The following RHOBTB1 variants were observed in gnomAD, a reference collection of about 807,000 sequenced individuals.
The protein encoded by RHOBTB1 is Rho related BTB domain containing 1.
In RHOBTB1, 40 loss-of-function variants were observed where a neutral mutation model predicts 71.6. The ratio of observed to expected loss-of-function variants is 0.56; its 90% CI spans 0.43 to 0.73. RHOBTB1 has a LOEUF of 0.73. RHOBTB1 is among the 30% of genes least tolerant of loss of function. The probability of loss-of-function intolerance (pLI) is 0.00; values close to 1 mark genes in which losing one functional copy is unlikely to be tolerated. For synonymous variants in RHOBTB1, 319 were observed against 334.9 expected, an observed-to-expected ratio of 0.95 and a Z score of 0.52; for missense variants, 797 against 894.0, an observed-to-expected ratio of 0.89 and a Z score of 1.38.
intron 2 of RHOBTB1, among the ~76,000 whole-genome samples, chr10:60,957,454 T>C (rs2085633470): frequency 6.6e-6 from 1 of 152,106 alleles, no homozygotes; most frequent in Admixed American, 6.5e-5. Flanking sequence ...CTGTTCACAG[T>C]TGACTGAAAT....
the RHOBTB1 span, among the ~76,000 whole-genome samples, chr10:60,862,434 G>A: frequency 2.0e-5 from 3 of 151,990 alleles, no homozygotes; most frequent in Admixed American, 6.6e-5. Flanking sequence ...CTGACCTCAG[G>A]TGATCCGCCT....
At chr10:60,949,745 T>C (rs1168494322) in intron 2 of RHOBTB1, among the ~76,000 whole-genome samples, 3 of 150,142 alleles carry the variant, frequency 2.0e-5, no homozygotes, top group Non-Finnish European at 3.0e-5. Flanking sequence ...ACCTAATGGA[T>C]CTATTCTTGG....
At chr10:61,001,026 C>G (rs183064054) in intron 1 of RHOBTB1, among the ~76,000 whole-genome samples, 13 of 152,102 alleles carry the variant, frequency 8.5e-5, no homozygotes, top group African/African-American at 2.4e-4. Context: ...ATCCCTCTGG[C>G]CACCCCCGCC....
chr10:60,903,554 G>A (rs996423832), intron 4 of RHOBTB1, among the ~76,000 whole-genome samples: 4 of 152,150 alleles, frequency 2.6e-5, no homozygotes, highest in Non-Finnish European at 4.4e-5. Flanking sequence ...ATGAAGAAAC[G>A]GAAAATTTTC....
At chr10:60,865,090 AG>A (rs2080631074), downstream of RHOBTB1, among the ~76,000 whole-genome samples, 1 of 152,192 alleles carries the variant, frequency 6.6e-6, no homozygotes, top group African/African-American at 2.4e-5. Flanking sequence ...AGAGGGGCTG[AG>A]AGAGAAAACA....
At chr10:60,973,740 G>A (rs1420495566) in intron 2 of RHOBTB1, among the ~76,000 whole-genome samples, 2 of 151,854 alleles carry the variant, frequency 1.3e-5, no homozygotes, top group South Asian at 2.1e-4. Context: ...AAATAATTAA[G>A]TATTTATTAC....
chr10:60,905,793 A>T (rs2082649494), intron 4 of RHOBTB1, among the ~76,000 whole-genome samples: 1 of 152,188 alleles, frequency 6.6e-6, no homozygotes, highest in Non-Finnish European at 1.5e-5. Context: ...TGCTATGAAC[A>T]TTAAGAGCTA....
chr10:60,989,978 C>CTT (rs769184320), intron 1 of RHOBTB1, among the ~76,000 whole-genome samples: 372 of 122,232 alleles, frequency 3.0e-3, no homozygotes, highest in Middle Eastern at 4.9e-3. Context: ...TCAGAATGTC[C>CTT]TTTTTTTTTT....
rs372885647 is a variant in RHOBTB1, at chr10:60,999,568, G to A, written c.-163+1831C>T. ...ATATTAAAATGATAGCTGGTGTTAA[G>A]GATGCTTCAAAACCAAGCCCATGAT... On this transcript the variant is annotated intron_variant, in intron 1 of 11. Transcript: ENST00000357917. Among the ~76,000 whole-genome samples, 8 of 152,318 alleles carry A rather than the reference G, an allele frequency of 5.3e-5. No homozygotes were observed. In the South Asian group the frequency reaches 1.7e-3, roughly 32 times the overall value.
chr10:60,938,324 A>G (rs546445541), intron 2 of RHOBTB1, among the ~76,000 whole-genome samples: 1 of 152,264 alleles, frequency 6.6e-6, no homozygotes, highest in South Asian at 2.1e-4. Context: ...GGCACTTTTC[A>G]GGCAGTGTTA....
At chr10:60,943,833 C>G (rs956421271) in intron 1 of RHOBTB1, 138 bp downstream of exon 1, 1 of 152,264 alleles carries the variant, frequency 6.6e-6, no homozygotes, top group African/African-American at 2.4e-5. Context: ...TCCCACAACT[C>G]TCTCTCGGGG....
chr10:60,988,737 G>A (rs372620263), intron 1 of RHOBTB1, among the ~76,000 whole-genome samples: 5 of 152,066 alleles, frequency 3.3e-5, no homozygotes. Flanking sequence ...CCATGTCTTT[G>A]CTATTGTGAA....
intron 6 of RHOBTB1, among the ~76,000 whole-genome samples, chr10:60,886,748 G>C (rs2081603012): frequency 6.6e-6 from 1 of 151,086 alleles, no homozygotes; most frequent in Non-Finnish European, 1.5e-5. Context: ...ATGTTGTCCA[G>C]GCTGGATTTA....
At chr10:60,904,561 G>C (rs908630165) in intron 4 of RHOBTB1, among the ~76,000 whole-genome samples, 4 of 152,106 alleles carry the variant, frequency 2.6e-5, no homozygotes, top group African/African-American at 9.7e-5. Context: ...TTACTCAAAA[G>C]CTCTCTCTCT....
downstream of RHOBTB1, among the ~76,000 whole-genome samples, chr10:60,866,192 G>A (rs989749555): frequency 1.3e-5 from 2 of 152,180 alleles, no homozygotes; most frequent in East Asian, 1.9e-4. Flanking sequence ...GTAGCGCCAA[G>A]GAATGGGAAT....
At chr10:60,886,500 C>G (rs2081583167) in intron 6 of RHOBTB1, among the ~76,000 whole-genome samples, 1 of 152,090 alleles carries the variant, frequency 6.6e-6, no homozygotes, top group African/African-American at 2.4e-5. Flanking sequence ...ATTTTTTCCT[C>G]CTTGCTATGC....
In RHOBTB1 at chr10:60,888,552, G is replaced by A. The variant is rs569205505; in HGVS notation, c.1116C>T (p.Thr372=). The change falls in exon 6 of 11, where the codon ACC becomes ACT. Residue 372 remains threonine (T), a synonymous_variant. Transcript: ENST00000337910. ...EGAVPETQTL[T]GWSKGFIGMH... ...TGCCAATGAACCCCTTACTCCATCCGGTCAAAGTCTGTGTCTCAGGAACTG... is the reference window on the plus strand; with the variant it reads ...TGCCAATGAACCCCTTACTCCATCCAGTCAAAGTCTGTGTCTCAGGAACTG... 56 of 1,614,102 alleles carry A rather than the reference G, an allele frequency of 3.5e-5. No homozygotes were observed. The highest frequency in any genetic ancestry group is 4.6e-5 in the Non-Finnish European group (54 of 1,180,012).
At chr10:60,968,037 T>G (rs937274536) in intron 2 of RHOBTB1, among the ~76,000 whole-genome samples, 5 of 152,098 alleles carry the variant, frequency 3.3e-5, no homozygotes, top group Non-Finnish European at 5.9e-5. Context: ...ACAGAGGGAC[T>G]GAATTGGAAA....
At chr10:60,927,519 C>G (rs2133885877) in intron 2 of RHOBTB1, among the ~76,000 whole-genome samples, 1 of 152,248 alleles carries the variant, frequency 6.6e-6, no homozygotes, top group Non-Finnish European at 1.5e-5. Flanking sequence ...AACAGACACA[C>G]TGACCAATGG....
Sources: gnomAD v4.1 joint callset for allele counts (sites outside exome capture counted in the v4.1 genomes callset) on GRCh38, gnomAD v4.1.1 for gene constraint, MANE v1.5 for transcripts, NCBI Gene and HGNC (gene_info 2026-07-23, HGNC 2026-07-21) for gene names.